Variants in ZBTB16 observed in about 807,000 individuals in gnomAD.
ZBTB16 encodes zinc finger and BTB domain-containing protein 16.
ZBTB16 carries 8 observed loss-of-function variants against 56.8 expected under a neutral mutation model. The ratio of observed to expected loss-of-function variants is 0.14; its 90% confidence interval spans 0.08 to 0.25. The LOEUF is 0.25. Ranked by LOEUF, ZBTB16 falls within the 10% of genes least tolerant of loss-of-function variation. The probability of loss-of-function intolerance (pLI) is 1.00; values close to 1 mark genes in which losing one functional copy is unlikely to be tolerated. For missense variants in ZBTB16, 625 were observed against 903.0 expected, an observed-to-expected ratio of 0.69 and a Z score of 3.95; for synonymous variants, 363 against 368.5, an observed-to-expected ratio of 0.98 and a Z score of 0.17.
intron 1 of ZBTB16, chr11:114,061,521 T>G (rs7938770): frequency 6.6e-6 from 1 of 152,310 alleles, no homozygotes; most frequent in Non-Finnish European, 1.5e-5. Context: ...TGCGTGAGCT[T>G]GGTGGCTCCT....
intron 2 of ZBTB16, among the ~76,000 whole-genome samples, chr11:114,147,863 C>T (rs1042499872): frequency 2.6e-5 from 4 of 152,164 alleles, no homozygotes; most frequent in African/African-American, 9.7e-5. Context: ...CTACCAGGAA[C>T]TTCACAGATA....
At position 114,156,395 on chromosome 11, in the gene ZBTB16, G is replaced by C; in HGVS notation, c.1327G>C (p.Asp443His). The C allele has an allele frequency of 6.2e-7, 1 of 1,614,238 alleles. No homozygotes were observed. The highest frequency in any genetic ancestry group is 8.5e-7 in the Non-Finnish European group (1 of 1,180,028). ...CGAGCTCTGCGGGAAGCGGTTCCTG[G>C]ATAGTTTGCGGCTGAGAATGCACTT... ...GCELCGKRFL[D>H]SLRLRMHLLA... The change falls in exon 3 of 7, where the codon GAT becomes CAT. Residue 443 changes from aspartate to histidine, a missense_variant. Coordinates refer to ENST00000335953, the MANE Select transcript of ZBTB16 (RefSeq NM_006006.6).
chr11:114,251,834 T>C lies in ZBTB16; in HGVS notation c.*1279T>C, dbSNP rs1441036895. ...TTGGCCTTGTGTTATGTTTTGCTTCTTTTCTGTGTCCCCTGTTAGCACATT... is the reference window on the plus strand; with the variant it reads ...TTGGCCTTGTGTTATGTTTTGCTTCCTTTCTGTGTCCCCTGTTAGCACATT... On this transcript the variant is annotated 3_prime_UTR_variant, in exon 7 of 7. Coordinates refer to ENST00000335953, the MANE Select transcript of ZBTB16 (RefSeq NM_006006.6). Among the ~76,000 whole-genome samples, 4 of 152,174 alleles carry C rather than the reference T, an allele frequency of 2.6e-5. No homozygotes were observed. Among genetic ancestry groups the C allele is most frequent in the Non-Finnish European group, 5.9e-5 (4 of 68,036 alleles).
At chr11:114,118,901 A>T (rs1197491903) in intron 2 of ZBTB16, among the ~76,000 whole-genome samples, 1 of 152,160 alleles carries the variant, frequency 6.6e-6, no homozygotes, top group East Asian at 1.9e-4. Context: ...TGAGGAATGG[A>T]GGATGCACAG....
chr11:114,124,068 G>C (rs1421997645), intron 2 of ZBTB16, among the ~76,000 whole-genome samples: 1 of 114,878 alleles, frequency 8.7e-6, no homozygotes, highest in Non-Finnish European at 2.0e-5. Flanking sequence ...AGGTCACTCT[G>C]CTTTGCGGAG....
rs1300422721 is a variant in ZBTB16, at chr11:114,068,428, G to A, written c.1268+3860G>A. Among the ~76,000 whole-genome samples the A allele has an allele frequency of 2.6e-5, 4 of 152,192 alleles. No individual in the cohort carries two copies. In the East Asian group the frequency reaches 7.7e-4, roughly 29 times the overall value. On this transcript the variant is annotated intron_variant, in intron 2 of 6. Coordinates refer to ENST00000335953, the MANE Select transcript of ZBTB16 (RefSeq NM_006006.6). ...GAGAATCAAACTTAGTGGAGTTGTA[G>A]AGCCTGTTTCCTGCAGCGGACAGCA...
intron 2 of ZBTB16, among the ~76,000 whole-genome samples, chr11:114,093,910 C>T (rs192591963): frequency 6.6e-5 from 10 of 152,300 alleles, no homozygotes; most frequent in Admixed American, 5.9e-4. Context: ...GAATTGTCAA[C>T]GGACATTTTT....
At position 114,060,093 on chromosome 11, in the gene ZBTB16, G is replaced by T. The variant is rs1002159104; in HGVS notation, c.-91+211G>T. Among the ~76,000 whole-genome samples, 2 of 152,174 alleles carry T rather than the reference G, an allele frequency of 1.3e-5. No homozygotes were observed. The highest frequency in any genetic ancestry group is 2.9e-5 in the Non-Finnish European group (2 of 68,022). On this transcript the variant is annotated intron_variant, in intron 1 of 6. Coordinates refer to ENST00000335953, the MANE Select transcript of ZBTB16 (RefSeq NM_006006.6). This position sits in a 1 kb window ranked among gnomAD's most constrained non-coding sequence, Gnocchi z 6.0. ...CTAGAAGGGGGAGCCCCGGCTGTCA[G>T]CCTGGGCGCAGCTGCCTCCCCAGCC...
intron 4 of ZBTB16, among the ~76,000 whole-genome samples, chr11:114,232,091 T>G (rs1458961058): frequency 6.6e-6 from 1 of 152,116 alleles, no homozygotes; most frequent in Non-Finnish European, 1.5e-5. Flanking sequence ...TGGCCTGCCC[T>G]TTCATGCTCC....
At position 114,157,657 on chromosome 11, in the gene ZBTB16, C is replaced by G. The variant is rs1942454925; in HGVS notation, c.1366+1223C>G. Among the ~76,000 whole-genome samples the G allele has an allele frequency of 2.0e-5, 3 of 152,196 alleles. No homozygotes were observed. The South Asian group carries it at 6.2e-4, about 31-fold the overall frequency. On this transcript the variant is annotated intron_variant, in intron 3 of 6. Transcript: ENST00000335953. ...TTCGTTCGCTTTTTCTGCTTCAGCT[C>G]CCCACTGCCTTGCTGCAGGGCCCAT...
At chr11:114,212,584 A>G (rs1944018512) in intron 4 of ZBTB16, among the ~76,000 whole-genome samples, 1 of 152,210 alleles carries the variant, frequency 6.6e-6, no homozygotes, top group Admixed American at 6.5e-5. Context: ...ACACAGCTAC[A>G]CAGTTGCGGA....
At chr11:114,180,182 G>GA (rs1233933898) in intron 3 of ZBTB16, among the ~76,000 whole-genome samples, 1 of 152,102 alleles carries the variant, frequency 6.6e-6, no homozygotes. Flanking sequence ...GGAAGTCAGG[G>GA]AAAAAGGGGA....
chr11:114,103,677 T>C (rs1160710900), intron 2 of ZBTB16, among the ~76,000 whole-genome samples: 1 of 152,158 alleles, frequency 6.6e-6, no homozygotes, highest in Non-Finnish European at 1.5e-5. Context: ...CAGGATGTTT[T>C]CTCTAGCGCT....
intron 2 of ZBTB16, among the ~76,000 whole-genome samples, chr11:114,129,134 G>A (rs1941596236): frequency 6.6e-6 from 1 of 152,130 alleles, no homozygotes; most frequent in Non-Finnish European, 1.5e-5. Context: ...AGCTCCAGTG[G>A]CTACTTTTCT....
In ZBTB16 at chr11:114,063,528, G is replaced by T. The variant is rs769868057; in HGVS notation, c.228G>T (p.Ser76=). Residue 76 remains serine, a synonymous_variant, in exon 2 of 7, where the codon TCG becomes TCT. Coordinates refer to ENST00000335953, the MANE Select transcript of ZBTB16 (RefSeq NM_006006.6). This position sits in a 1 kb window ranked among gnomAD's most constrained non-coding sequence, Gnocchi z 6.5. ...NSQHYTLDFL[S]PKTFQQILEY... is the part of the protein sequence containing the mutation. The stretch of plus-strand genomic sequence containing the variant: ...AACACTATACTTTGGACTTCCTCTC[G>T]CCAAAGACCTTCCAGCAGATTCTGG... 3.7e-6 allele frequency: 6 copies of T among 1,614,180 alleles called. No individual in the cohort carries two copies. The highest frequency in any genetic ancestry group is 1.3e-5 in the African/African-American group (1 of 75,044).
At chr11:114,230,633 G>GGT (rs1555159023) in intron 4 of ZBTB16, among the ~76,000 whole-genome samples, 1 of 133,730 alleles carries the variant, frequency 7.5e-6, no homozygotes, top group Non-Finnish European at 1.6e-5. Context: ...ATCTTCTGTG[G>GGT]GGGGGGGGCG....
At chr11:114,172,281 T>C (rs1942989842) in intron 3 of ZBTB16, among the ~76,000 whole-genome samples, 1 of 152,212 alleles carries the variant, frequency 6.6e-6, no homozygotes, top group Admixed American at 6.5e-5. Flanking sequence ...CTGAACACTT[T>C]GCCTTAGAAG....
intron 2 of ZBTB16, among the ~76,000 whole-genome samples, chr11:114,094,339 T>TAAAAAAAAAAAAAAAA (rs1940302918): frequency 6.6e-6 from 1 of 152,074 alleles, no homozygotes; most frequent in Admixed American, 6.5e-5. Context: ...TAAAAAACAT[T>TAAAAAAAAAAAAAAAA]AAAAAATTGA....
intron 6 of ZBTB16, among the ~76,000 whole-genome samples, chr11:114,248,102 G>T (rs1427441749): frequency 1.3e-5 from 2 of 152,144 alleles, no homozygotes; most frequent in Non-Finnish European, 2.9e-5. Context: ...GTTTTGCCAT[G>T]TTGGTCAGGC....
Sources: gnomAD v4.1 joint callset for allele counts (sites outside exome capture counted in the v4.1 genomes callset) on GRCh38, gnomAD v4.1.1 for gene constraint, Gnocchi (gnomAD v3.1) non-coding constraint, MANE v1.5 for transcripts, NCBI Gene and HGNC (gene_info 2026-07-23, HGNC 2026-07-21) for gene names.